The following SH3BGRL2 variants were observed in gnomAD, a reference collection of about 807,000 sequenced individuals.
SH3BGRL2 encodes SH3 domain-binding glutamic acid-rich-like protein 2.
Under a neutral mutation model 14.8 loss-of-function variants are expected in SH3BGRL2, and 21 were observed. The observed-to-expected ratio is 1.42, with a 90% CI of 1.01 to 2.05. The LOEUF is 2.05. Among genes scored for constraint, SH3BGRL2 ranks in the 30% most tolerant of loss-of-function variants. The probability of loss-of-function intolerance (pLI) is 0.00; values close to 1 mark genes in which losing one functional copy is unlikely to be tolerated. For missense variants in SH3BGRL2, 147 were observed against 130.8 expected (o/e 1.12, Z -0.61); for synonymous variants, 50 against 47.8 (o/e 1.05, Z -0.19).
chr6:79,549,663 C>A, the SH3BGRL2 span, among the ~76,000 whole-genome samples: 1 of 152,144 alleles, frequency 6.6e-6, no homozygotes, highest in East Asian at 1.9e-4. Flanking sequence ...GCAAGCCTAA[C>A]AACTCTTTTT....
At chr6:79,635,034 G>A (rs1768895911) in intron 1 of SH3BGRL2, among the ~76,000 whole-genome samples, 1 of 152,134 alleles carries the variant, frequency 6.6e-6, no homozygotes, top group Non-Finnish European at 1.5e-5. Context: ...ACTCTGTAGT[G>A]CTTAGCATCT....
Position 79,701,770 on chromosome 6 carries a change from ATATGGGGTCCTTACTTG to A in SH3BGRL2, c.*2265_*2281del, listed in dbSNP as rs1215916299. ...TCTGGGACCACACTTAGCTCAGAGA[ATATGGGGTCCTTACTTG>A]TATTCTTTTATCAGCTGATTTTGAA... On this transcript the variant is annotated 3_prime_UTR_variant, in exon 4 of 4. Coordinates refer to ENST00000369838, the MANE Select transcript of SH3BGRL2 (RefSeq NM_031469.4). 2 of 152,190 alleles carry A rather than the reference ATATGGGGTCCTTACTTG, an allele frequency of 1.3e-5. No homozygotes were observed. Among genetic ancestry groups the A allele is most frequent in the Non-Finnish European group, 2.9e-5 (2 of 68,016 alleles). The allele number at this position is 152,190 out of a possible 1,614,324, so 9.4% of individuals were successfully genotyped here.
chr6:79,660,371 T>G (rs971557932), intron 1 of SH3BGRL2, among the ~76,000 whole-genome samples: 2 of 152,158 alleles, frequency 1.3e-5, no homozygotes, highest in African/African-American at 4.8e-5. Flanking sequence ...TTTTGTCAAA[T>G]GCCTTTTTGC....
chr6:79,589,695 G>A, the SH3BGRL2 span, among the ~76,000 whole-genome samples: 62 of 152,144 alleles, frequency 4.1e-4, no homozygotes, highest in Middle Eastern at 3.4e-3. Flanking sequence ...CCATAATTAT[G>A]GAAAGCATAA....
At chr6:79,564,035 G>A in the SH3BGRL2 span, among the ~76,000 whole-genome samples, 1 of 152,186 alleles carries the variant, frequency 6.6e-6, no homozygotes, top group Non-Finnish European at 1.5e-5. Flanking sequence ...AAAATGTTGA[G>A]CAAACGATTA....
At chr6:79,656,435 C>A (rs1769419545) in intron 1 of SH3BGRL2, among the ~76,000 whole-genome samples, 1 of 152,136 alleles carries the variant, frequency 6.6e-6, no homozygotes, top group Non-Finnish European at 1.5e-5. Flanking sequence ...CTCTTCCAGG[C>A]AATTCCTAGA....
intron 2 of SH3BGRL2, among the ~76,000 whole-genome samples, chr6:79,695,128 A>G (rs1434545802): frequency 6.6e-6 from 1 of 152,164 alleles, no homozygotes; most frequent in Non-Finnish European, 1.5e-5. Context: ...CTCCCATCCC[A>G]GTCCTTCACT....
At chr6:79,699,338 A>C (rs1472291266) in intron 3 of SH3BGRL2, among the ~76,000 whole-genome samples, 160 bp from the exon 4 acceptor site, 1 of 151,498 alleles carries the variant, frequency 6.6e-6, no homozygotes, top group Admixed American at 6.6e-5. Context: ...TGATGCTGAA[A>C]CCCAGGATTT....
chr6:79,541,615 A>G, the SH3BGRL2 span, among the ~76,000 whole-genome samples: 1 of 152,204 alleles, frequency 6.6e-6, no homozygotes, highest in Non-Finnish European at 1.5e-5. Context: ...AAATCTTGGT[A>G]TTAACTCTGA....
At chr6:79,646,771 C>A (rs962355858) in intron 1 of SH3BGRL2, among the ~76,000 whole-genome samples, 5 of 152,190 alleles carry the variant, frequency 3.3e-5, no homozygotes, top group African/African-American at 7.2e-5. Flanking sequence ...CTGGACATTT[C>A]ATGTAAATAG....
the SH3BGRL2 span, among the ~76,000 whole-genome samples, chr6:79,591,371 A>G: frequency 6.6e-6 from 1 of 151,870 alleles, no homozygotes; most frequent in Admixed American, 6.6e-5. Flanking sequence ...CTATTCTTCT[A>G]CCTTCTCTTC....
intron 1 of SH3BGRL2, among the ~76,000 whole-genome samples, chr6:79,661,436 C>G (rs966656866): frequency 1.3e-5 from 2 of 152,102 alleles, no homozygotes; most frequent in African/African-American, 4.8e-5. Flanking sequence ...TGTAGTTGTG[C>G]GGTTTTGAAT....
chr6:79,679,916 T>G (rs981320971), intron 2 of SH3BGRL2, among the ~76,000 whole-genome samples: 4 of 152,180 alleles, frequency 2.6e-5, no homozygotes, highest in Non-Finnish European at 5.9e-5. Flanking sequence ...TTTGCCCATT[T>G]TAAAATTAGG....
Position 79,699,768 on chromosome 6 carries a change from G to C in SH3BGRL2, c.*259G>C, listed in dbSNP as rs1464602913. The stretch of plus-strand genomic sequence containing the variant: ...CACTCACCTGGAAATACCGTCACCT[G>C]TTACAGGTGTACTTTCTTAATGACT... On this transcript the variant is annotated 3_prime_UTR_variant, in exon 4 of 4. Transcript: ENST00000369838. 2.3e-6 allele frequency: 1 copy of C among 431,360 alleles called. No homozygotes were observed. Among genetic ancestry groups the C allele is most frequent in the Non-Finnish European group, 4.0e-6 (1 of 248,124 alleles). 26.7% of individuals were successfully genotyped at this position (431,360 alleles called of 1,614,324 possible).
intron 2 of SH3BGRL2, among the ~76,000 whole-genome samples, chr6:79,677,141 CCTG>C (rs1769901407): frequency 6.6e-6 from 1 of 152,210 alleles, no homozygotes; most frequent in Admixed American, 6.5e-5. Context: ...GTTCATCTCA[CCTG>C]CTTCTGTGCA....
At chr6:79,590,834 A>G in the SH3BGRL2 span, among the ~76,000 whole-genome samples, 1 of 152,052 alleles carries the variant, frequency 6.6e-6, no homozygotes, top group African/African-American at 2.4e-5. Context: ...AAATAAATAA[A>G]TTAATTAATT....
At chr6:79,646,348 T>C (rs748921278) in intron 1 of SH3BGRL2, among the ~76,000 whole-genome samples, 2 of 152,210 alleles carry the variant, frequency 1.3e-5, no homozygotes, top group African/African-American at 2.4e-5. Context: ...CAAGTCTACA[T>C]TGCTTCCAAG....
chr6:79,605,198 A>G, the SH3BGRL2 span, among the ~76,000 whole-genome samples: 3 of 152,242 alleles, frequency 2.0e-5, no homozygotes, highest in Non-Finnish European at 4.4e-5. Context: ...AGAAAGCCCA[A>G]GCTGGCTATG....
the SH3BGRL2 span, among the ~76,000 whole-genome samples, chr6:79,599,123 T>C: frequency 2.0e-5 from 3 of 150,358 alleles, no homozygotes; most frequent in African/African-American, 7.3e-5. Context: ...CAATACCAGA[T>C]GGATGCAAAT....
Sources: gnomAD v4.1 joint callset for allele counts (sites outside exome capture counted in the v4.1 genomes callset) on GRCh38, gnomAD v4.1.1 for gene constraint, MANE v1.5 for transcripts, NCBI Gene and HGNC (gene_info 2026-07-23, HGNC 2026-07-21) for gene names.